Variants in PCDHA2 observed in about 807,000 individuals in gnomAD.
PCDHA2 encodes the protein protocadherin alpha-2.
Under a neutral mutation model 66.0 loss-of-function variants are expected in PCDHA2, and 58 were observed. That is an observed-to-expected ratio of 0.88 (90% CI 0.71 to 1.09). The LOEUF (loss-of-function observed/expected upper bound fraction) is 1.09, where lower values mean the gene tolerates loss of function less well. PCDHA2 is among the 50% of genes least tolerant of loss of function. The pLI is 0.00. For synonymous variants in PCDHA2, 634 were observed against 554.0 expected, an observed-to-expected ratio of 1.14 and a Z score of -2.03; for missense variants, 1,267 against 1,242.3, an observed-to-expected ratio of 1.02 and a Z score of -0.30.
intron 1 of PCDHA2, chr5:140,822,764 C>G: frequency 4.3e-6 from 7 of 1,613,898 alleles, no homozygotes; most frequent in Non-Finnish European, 5.1e-6. Flanking sequence ...TTCCCATTAT[C>G]AGGACACTGT....
intron 1 of PCDHA2, among the ~76,000 whole-genome samples, chr5:140,972,527 C>A (rs1173109086): frequency 6.6e-6 from 1 of 152,092 alleles, no homozygotes; most frequent in Non-Finnish European, 1.5e-5. Flanking sequence ...GAGCTTATTT[C>A]ATAAATCACT....
At position 140,796,530 on chromosome 5, in the gene PCDHA2, G is replaced by A. The variant is rs782625650; in HGVS notation, c.1566G>A (p.Pro522=). The A allele has an allele frequency of 1.2e-6, 2 of 1,612,698 alleles. No homozygotes were observed. The highest frequency in any genetic ancestry group is 4.5e-5 in the East Asian group (2 of 44,864). ...GCGGCAAGGTGTACGCGCTGCAGCC[G>A]CTGGACCACGAGGAAGTGGAGCTGC... is the stretch of plus-strand genomic sequence containing the variant. The part of the protein sequence containing the change: ...AESGKVYALQ[P]LDHEEVELLQ... The change falls in exon 1 of 4, where the codon CCG becomes CCA. Residue 522 remains proline, a synonymous_variant. Coordinates refer to ENST00000526136, the MANE Select transcript of PCDHA2 (RefSeq NM_018905.3).
chr5:140,850,211 CACTGACGGCGCAGTG>C (rs2041429511), intron 1 of PCDHA2: 1 of 1,593,540 alleles, frequency 6.3e-7, no homozygotes, highest in Non-Finnish European at 8.6e-7. Context: ...GGATGAGGGG[CACTGACGGCGCAGTG>C]AGCGAGATGG....
intron 1 of PCDHA2, chr5:140,824,024 C>A (rs2150131645): frequency 6.2e-7 from 1 of 1,614,004 alleles, no homozygotes; most frequent in East Asian, 2.2e-5. Context: ...TGGTCGTACT[C>A]GCAGCAGAGG....
chr5:140,828,337 C>A (rs2150154225), intron 1 of PCDHA2: 1 of 1,614,234 alleles, frequency 6.2e-7, no homozygotes. Flanking sequence ...TGCAGAATGG[C>A]ATTTTGTTTG....
chr5:140,908,844 C>G (rs533219921), intron 1 of PCDHA2, among the ~76,000 whole-genome samples: 1 of 152,156 alleles, frequency 6.6e-6, no homozygotes, highest in Non-Finnish European at 1.5e-5. Flanking sequence ...GCTGGAGTAA[C>G]ATACCCAAAT....
At chr5:140,851,413 C>A in intron 1 of PCDHA2, 1 of 961,744 alleles carries the variant, frequency 1.0e-6, no homozygotes, top group Non-Finnish European at 1.3e-6. Flanking sequence ...AAGAAAGAAA[C>A]TTCCCCTAAA....
At chr5:140,858,082 G>T (rs1554151130) in intron 1 of PCDHA2, 2 of 1,597,718 alleles carry the variant, frequency 1.3e-6, no homozygotes, top group East Asian at 2.2e-5. Flanking sequence ...CCAAGGCCTC[G>T]TCGCGGGCTT....
chr5:140,902,211 T>C (rs1256912603), intron 1 of PCDHA2, among the ~76,000 whole-genome samples: 4 of 150,332 alleles, frequency 2.7e-5, no homozygotes, highest in African/African-American at 9.8e-5. Context: ...TTCTTTTTTT[T>C]TTTTTTTTTT....
intron 1 of PCDHA2, among the ~76,000 whole-genome samples, chr5:140,953,564 G>C (rs2094904127): frequency 6.6e-6 from 1 of 152,058 alleles, no homozygotes; most frequent in Non-Finnish European, 1.5e-5. Context: ...AAGTTTTAGT[G>C]CCCTCCTCTC....
At chr5:140,813,300 A>G (rs1301476269) in intron 1 of PCDHA2, 1 of 152,198 alleles carries the variant, frequency 6.6e-6, no homozygotes, top group Non-Finnish European at 1.5e-5. Flanking sequence ...CTGAGATTTC[A>G]TCACTGTGCA....
At chr5:140,968,288 C>G in intron 1 of PCDHA2, 2 of 1,613,976 alleles carry the variant, frequency 1.2e-6, no homozygotes, top group South Asian at 2.2e-5. Flanking sequence ...GACCTACTCC[C>G]TTCTGGAGAG....
chr5:140,807,586 C>G (rs782149681), intron 1 of PCDHA2: 3 of 1,614,152 alleles, frequency 1.9e-6, no homozygotes, highest in South Asian at 1.1e-5. Context: ...CGCCGGTGTT[C>G]CCAGCAACAC....
At chr5:140,819,227 A>G (rs1437121413) in intron 1 of PCDHA2, among the ~76,000 whole-genome samples, 1 of 152,190 alleles carries the variant, frequency 6.6e-6, no homozygotes, top group Non-Finnish European at 1.5e-5. Context: ...TTGCTTCAAC[A>G]TTTCCTCTTC....
chr5:140,916,706 G>A (rs1179319029), intron 1 of PCDHA2, among the ~76,000 whole-genome samples: 1 of 152,200 alleles, frequency 6.6e-6, no homozygotes, highest in Admixed American at 6.5e-5. Flanking sequence ...TCCTTAAGCA[G>A]AAGGAAGGAG....
chr5:140,836,144 G>C (rs2150253955), intron 1 of PCDHA2: 2 of 1,613,662 alleles, frequency 1.2e-6, no homozygotes, highest in Admixed American at 1.7e-5. Context: ...CTGTGGGCGC[G>C]GGCCATGTGG....
chr5:140,835,653 G>A, intron 1 of PCDHA2: 1 of 1,613,930 alleles, frequency 6.2e-7, no homozygotes, highest in Non-Finnish European at 8.5e-7. Context: ...CTATGAGCTG[G>A]TGGTTACCGC....
At position 140,876,234 on chromosome 5, in the gene PCDHA2, T is replaced by C. The variant is rs1260556049; in HGVS notation, c.2388+78882T>C. 4 of 1,613,902 alleles carry C rather than the reference T, an allele frequency of 2.5e-6. No individual in the cohort carries two copies. In the South Asian group the frequency reaches 3.3e-5, roughly 13 times the overall value. On this transcript the variant is annotated intron_variant, in intron 1 of 3. Transcript: ENST00000526136. ...GCTATAAAGTAGTGTTGTCTGAAAA[T>C]GTCCAAAACGACACAAGAGTGATCC...
chr5:140,821,976 CA>C (rs2150112457), intron 1 of PCDHA2: 1 of 1,614,196 alleles, frequency 6.2e-7, no homozygotes, highest in South Asian at 1.1e-5. Flanking sequence ...GGGTGGCGTC[CA>C]AGGGCCGCGG....
Sources: allele counts gnomAD v4.1 joint callset (sites outside exome capture counted in the v4.1 genomes callset), GRCh38; gene constraint gnomAD v4.1.1; transcripts MANE v1.5; gene names NCBI Gene and HGNC (gene_info 2026-07-23, HGNC 2026-07-21).